The following SLC9A9 variants were observed in gnomAD, a reference collection of about 807,000 sequenced individuals.
The protein encoded by SLC9A9 is solute carrier family 9 member A9, also known as sodium/hydrogen exchanger 9.
A neutral mutation model predicts 77.8 loss-of-function variants in SLC9A9; 62 were observed. That is an observed-to-expected ratio of 0.80 (90% CI 0.65 to 0.98). The LOEUF (loss-of-function observed/expected upper bound fraction) is 0.98. SLC9A9 is among the 50% of genes least tolerant of loss of function. SLC9A9 has a pLI of 0.00. For synonymous variants in SLC9A9, 320 were observed against 283.5 expected (o/e 1.13, Z -1.29); for missense variants, 775 against 774.9 (o/e 1.00, Z 0.00).
chr3:143,535,993 T>C (rs755277559), intron 9 of SLC9A9, among the ~76,000 whole-genome samples: 3 of 152,192 alleles, frequency 2.0e-5, no homozygotes, highest in Non-Finnish European at 4.4e-5. Flanking sequence ...ATACTACTCA[T>C]TGGGGCGCCA....
intron 4 of SLC9A9, among the ~76,000 whole-genome samples, chr3:143,762,771 C>T (rs1425319103): frequency 1.3e-5 from 2 of 152,158 alleles, no homozygotes; most frequent in African/African-American, 2.4e-5. Flanking sequence ...CAATATATGG[C>T]CAGTGTGGCA....
At chr3:143,396,196 A>C (rs1442723134) in intron 12 of SLC9A9, among the ~76,000 whole-genome samples, 1 of 152,224 alleles carries the variant, frequency 6.6e-6, no homozygotes, top group Non-Finnish European at 1.5e-5. Context: ...CTTGGAACCA[A>C]CCCAAATGTT....
At chr3:143,655,775 A>G (rs1438355817) in intron 5 of SLC9A9, 1 of 439,716 alleles carries the variant, frequency 2.3e-6, no homozygotes, top group African/African-American at 2.2e-5. Flanking sequence ...ATGCCACTGA[A>G]TCCTTGCAGA....
intron 14 of SLC9A9, among the ~76,000 whole-genome samples, chr3:143,314,609 GAAGT>G (rs2031139178): frequency 6.6e-6 from 1 of 152,226 alleles, no homozygotes; most frequent in African/African-American, 2.4e-5. Context: ...CTGAAGTAAA[GAAGT>G]TTCTCCAGCT....
chr3:143,315,371 G>A (rs1335505296), intron 14 of SLC9A9, among the ~76,000 whole-genome samples: 1 of 152,268 alleles, frequency 6.6e-6, no homozygotes, highest in African/African-American at 2.4e-5. Flanking sequence ...GGGCTCTAAC[G>A]GCAACATGTT....
Position 143,578,728 on chromosome 3 carries a change from AAAG to A in SLC9A9, c.756-8_756-6del. ...GGACTGTAAATGGATATAGAACTGAAAAGAGAAGAGGGTGGAGGTTAGTTAGTG... is the reference window on the plus strand; with the variant it reads ...GGACTGTAAATGGATATAGAACTGAAAGAAGAGGGTGGAGGTTAGTTAGTG... On this transcript the variant is annotated splice_polypyrimidine_tract_variant and splice_region_variant and intron_variant, in intron 6 of 15. Transcript: ENST00000316549. 3 of 1,613,918 alleles carry A rather than the reference AAAG, an allele frequency of 1.9e-6. No individual in the cohort carries two copies. Among genetic ancestry groups the A allele is most frequent in the Non-Finnish European group, 2.5e-6 (3 of 1,179,802 alleles).
intron 14 of SLC9A9, among the ~76,000 whole-genome samples, chr3:143,349,984 G>T (rs1253453783): frequency 2.0e-5 from 3 of 152,168 alleles, no homozygotes; most frequent in African/African-American, 7.2e-5. Context: ...TCGAAGAACT[G>T]GCTCAGTAGG....
In SLC9A9 at chr3:143,449,105, TATATTATA is replaced by T. The variant is rs1288002596; in HGVS notation, c.1469+17924_1469+17931del. Reference sequence around the variant, plus strand: ...TATATAATTATATAAAATATAATTATATATTATAATTATATAATATGATATATATTATA... The same window carrying T: ...TATATAATTATATAAAATATAATTATATTATATAATATGATATATATTATA... On this transcript the variant is annotated intron_variant, in intron 12 of 15. Coordinates refer to ENST00000316549, the MANE Select transcript of SLC9A9 (RefSeq NM_173653.4). Among the ~76,000 whole-genome samples, 18 of 3,546 alleles carry T rather than the reference TATATTATA, an allele frequency of 5.1e-3. 9 individuals carry two copies. The highest frequency in any genetic ancestry group is 5.2e-3 in the Non-Finnish European group (16 of 3,064). 2.3% of individuals were successfully genotyped at this position (3,546 alleles called of 152,430 possible). A position where few individuals can be genotyped will look rare whatever the true frequency, so the allele number is the denominator to read the frequency against.
chr3:143,807,740 G>A (rs2008761071), intron 2 of SLC9A9, among the ~76,000 whole-genome samples: 1 of 151,830 alleles, frequency 6.6e-6, no homozygotes, highest in Non-Finnish European at 1.5e-5. Flanking sequence ...ATGAGACTCT[G>A]TCTTTAAAAA....
Position 143,464,644 on chromosome 3 carries a change from A to C in SLC9A9, c.1469+2393T>G, listed in dbSNP as rs116067145. 3.8e-3 allele frequency among the ~76,000 whole-genome samples: 579 copies of C among 152,246 alleles called. 5 individuals carry two copies. The highest frequency in any genetic ancestry group is 0.013 in the African/African-American group (554 of 41,526). ...ATCTCCACTAGCGGTAGGAAGTCTA[A>C]ACCAGCGATTCTCAAAATGTGGCCC... is the stretch of plus-strand genomic sequence containing the variant. On this transcript the variant is annotated intron_variant, in intron 12 of 15. Transcript: ENST00000316549.
intron 2 of SLC9A9, among the ~76,000 whole-genome samples, chr3:143,828,067 A>C (rs532321141): frequency 2.6e-4 from 40 of 152,314 alleles, no homozygotes; most frequent in African/African-American, 8.7e-4. Flanking sequence ...TAATTTACTC[A>C]GGTCTCAGAA....
chr3:143,388,648 G>A (rs2033483358), intron 12 of SLC9A9, among the ~76,000 whole-genome samples: 2 of 152,190 alleles, frequency 1.3e-5, no homozygotes, highest in African/African-American at 4.8e-5. Context: ...TAAGAGAAAT[G>A]TGTGCACCCT....
At chr3:143,292,645 G>C (rs879416104) in intron 14 of SLC9A9, among the ~76,000 whole-genome samples, 1 of 152,022 alleles carries the variant, frequency 6.6e-6, no homozygotes, top group Non-Finnish European at 1.5e-5. Flanking sequence ...TAATAGGAAG[G>C]TCCCTCATAA....
intron 2 of SLC9A9, among the ~76,000 whole-genome samples, chr3:143,799,979 G>A (rs1028441288): frequency 6.6e-6 from 1 of 152,154 alleles, no homozygotes; most frequent in Non-Finnish European, 1.5e-5. Flanking sequence ...CAACTCTGGT[G>A]CCAACTTAGA....
chr3:143,417,419 T>A (rs1337666598), intron 12 of SLC9A9, among the ~76,000 whole-genome samples: 1 of 148,454 alleles, frequency 6.7e-6, no homozygotes, highest in Non-Finnish European at 1.5e-5. Flanking sequence ...GGTAGGGTCC[T>A]AATTTGGTAG....
chr3:143,289,589 C>T (rs114596108), intron 14 of SLC9A9, among the ~76,000 whole-genome samples: 120 of 152,280 alleles, frequency 7.9e-4, no homozygotes, highest in African/African-American at 2.7e-3. Context: ...ACTCTTTCCT[C>T]TCCCTTCTGC....
intron 14 of SLC9A9, among the ~76,000 whole-genome samples, chr3:143,269,928 T>C (rs993224722): frequency 6.6e-6 from 1 of 152,218 alleles, no homozygotes; most frequent in Non-Finnish European, 1.5e-5. Context: ...AGTCCATCCA[T>C]AGCTGGATAA....
intron 11 of SLC9A9, among the ~76,000 whole-genome samples, chr3:143,488,092 G>A (rs1211758301): frequency 6.6e-6 from 1 of 151,636 alleles, no homozygotes; most frequent in Non-Finnish European, 1.5e-5. Context: ...AAGAATTAGA[G>A]AATAACAAGA....
chr3:143,844,224 A>G (rs1165225620), intron 1 of SLC9A9, among the ~76,000 whole-genome samples: 1 of 152,192 alleles, frequency 6.6e-6, no homozygotes, highest in Admixed American at 6.5e-5. Flanking sequence ...TTCTAACAAG[A>G]AATATAAAAG....
Sources: gnomAD v4.1 joint callset for allele counts (sites outside exome capture counted in the v4.1 genomes callset) on GRCh38, gnomAD v4.1.1 for gene constraint, MANE v1.5 for transcripts, NCBI Gene and HGNC (gene_info 2026-07-23, HGNC 2026-07-21) for gene names.